Variants in RGS6 observed in about 807,000 individuals in gnomAD.
RGS6 encodes regulator of G-protein signaling 6.
RGS6 carries 30 observed loss-of-function variants against 78.5 expected under a neutral mutation model. That is an observed-to-expected ratio of 0.38 (90% CI 0.29 to 0.52). RGS6 has a LOEUF of 0.52. RGS6 is among the 20% of genes least tolerant of loss of function. The pLI is 0.85. For missense variants in RGS6, 495 were observed against 609.7 expected (o/e 0.81, Z 1.98); for synonymous variants, 206 against 206.0 (o/e 1.00, Z 0.00).
Position 72,510,255 on chromosome 14 carries a change from C to T in RGS6, c.1067C>T (p.Ser356Phe). The T allele has an allele frequency of 6.2e-7, 1 of 1,614,144 alleles. No homozygotes were observed. The highest frequency in any genetic ancestry group is 8.5e-7 in the Non-Finnish European group (1 of 1,180,008). ...GRDQFLRFLE[S>F]EFSSENLRFW... ...GACCAGTTTCTACGATTCCTGGAGTCCGAATTCAGTTCAGAAAACCTCAGG... is the reference window on the plus strand; with the variant it reads ...GACCAGTTTCTACGATTCCTGGAGTTCGAATTCAGTTCAGAAAACCTCAGG... Residue 356 changes from serine (S) to phenylalanine (F), a missense_variant, in exon 14 of 18, where the codon TCC becomes TTC. Transcript: ENST00000553525.
intron 2 of RGS6, among the ~76,000 whole-genome samples, chr14:72,265,868 A>G (rs539887334): frequency 2.2e-4 from 32 of 145,454 alleles, no homozygotes; most frequent in Non-Finnish European, 3.9e-4. Flanking sequence ...TCCTTTTTCT[A>G]TACCTTTCCC....
chr14:72,424,392 G>T (rs561636631), intron 3 of RGS6, among the ~76,000 whole-genome samples: 1 of 152,240 alleles, frequency 6.6e-6, no homozygotes, highest in Admixed American at 6.5e-5. Context: ...TTAGTTCAGG[G>T]GTCAGCAAAC....
chr14:72,152,048 T>C (rs2096697953), intron 2 of RGS6, among the ~76,000 whole-genome samples: 1 of 152,182 alleles, frequency 6.6e-6, no homozygotes, highest in South Asian at 2.1e-4. Context: ...GGGGATAATA[T>C]GCTTATTTGA....
At chr14:71,948,643 G>A (rs2091887628) in intron 1 of RGS6, among the ~76,000 whole-genome samples, 2 of 150,020 alleles carry the variant, frequency 1.3e-5, no homozygotes, top group South Asian at 4.2e-4. Context: ...GAATATTACC[G>A]TTCTTCCAGA....
intron 2 of RGS6, among the ~76,000 whole-genome samples, chr14:72,050,268 C>T (rs1184735711): frequency 6.6e-6 from 1 of 152,170 alleles, no homozygotes; most frequent in Non-Finnish European, 1.5e-5. Context: ...TTTAGTTTCA[C>T]CATCTGGAAC....
intron 2 of RGS6, among the ~76,000 whole-genome samples, chr14:72,004,679 G>A (rs1338823735): frequency 6.6e-6 from 1 of 151,952 alleles, no homozygotes; most frequent in African/African-American, 2.4e-5. Context: ...ACAAAAATTA[G>A]CCAGGCATGG....
chr14:72,207,457 T>C (rs1321679462), intron 2 of RGS6, among the ~76,000 whole-genome samples: 1 of 152,182 alleles, frequency 6.6e-6, no homozygotes, highest in Non-Finnish European at 1.5e-5. Flanking sequence ...ACATCTAGAT[T>C]GTCCACCCTT....
At chr14:72,217,917 A>G (rs2045962841) in intron 2 of RGS6, among the ~76,000 whole-genome samples, 1 of 152,244 alleles carries the variant, frequency 6.6e-6, no homozygotes, top group Non-Finnish European at 1.5e-5. Context: ...ACATATACAT[A>G]CAAACACCCA....
intron 2 of RGS6, among the ~76,000 whole-genome samples, chr14:72,319,378 C>G (rs2071236020): frequency 6.8e-6 from 1 of 147,506 alleles, no homozygotes. Flanking sequence ...GAGACGGAGT[C>G]TCGCCCTGTT....
At chr14:72,540,892 G>A (rs892501973) in intron 17 of RGS6, 4 of 985,420 alleles carry the variant, frequency 4.1e-6, no homozygotes, top group Non-Finnish European at 4.8e-6. Flanking sequence ...AAAGACAGCC[G>A]TGGCAACAGG....
chr14:72,465,561 G>C (rs1334815870), intron 6 of RGS6, among the ~76,000 whole-genome samples, 197 bp from the exon 7 acceptor site: 3 of 140,758 alleles, frequency 2.1e-5, no homozygotes, highest in Non-Finnish European at 4.5e-5. Flanking sequence ...TGGATGGATG[G>C]ATGGATGGAT....
rs371804322 is a variant in RGS6 at position 72,360,745 on chromosome 14, T to C, written c.184+8551T>C. 1.1e-4 allele frequency among the ~76,000 whole-genome samples: 17 copies of C among 152,260 alleles called. No homozygotes were observed. In the South Asian group the frequency reaches 3.5e-3, roughly 32 times the overall value. ...GTCAACTAGGAAAGTAGAGATTGACTGGACTAGGGAAATAGAACTTTGATT... is the reference window on the plus strand; with the variant it reads ...GTCAACTAGGAAAGTAGAGATTGACCGGACTAGGGAAATAGAACTTTGATT... On this transcript the variant is annotated intron_variant, in intron 3 of 17. Transcript: ENST00000553525.
intron 2 of RGS6, among the ~76,000 whole-genome samples, chr14:72,255,624 T>C (rs758069289): frequency 3.9e-5 from 6 of 152,198 alleles, no homozygotes; most frequent in Non-Finnish European, 4.4e-5. Context: ...GCTTAAAATG[T>C]GGCACAAATT....
At chr14:72,296,958 A>G (rs1000430254) in intron 2 of RGS6, among the ~76,000 whole-genome samples, 8 of 152,212 alleles carry the variant, frequency 5.3e-5, no homozygotes, top group Non-Finnish European at 1.0e-4. Context: ...TATATACAAT[A>G]TGTGGTAAGA....
At chr14:72,084,614 A>G (rs971859026) in intron 2 of RGS6, among the ~76,000 whole-genome samples, 10 of 152,160 alleles carry the variant, frequency 6.6e-5, no homozygotes, top group African/African-American at 2.4e-4. Context: ...AGGAGAACTC[A>G]TGACTTTGGT....
At chr14:72,206,633 G>A (rs1034283112) in intron 2 of RGS6, among the ~76,000 whole-genome samples, 3 of 152,138 alleles carry the variant, frequency 2.0e-5, no homozygotes, top group Non-Finnish European at 4.4e-5. Flanking sequence ...TTCTTACATG[G>A]ATGGCAGCAG....
In RGS6 at chr14:72,489,077, C is replaced by A. The variant is rs531430937; in HGVS notation, c.855-6075C>A. Among the ~76,000 whole-genome samples the A allele has an allele frequency of 2.7e-5, 4 of 149,956 alleles. No individual in the cohort carries two copies. In the East Asian group the frequency reaches 7.9e-4, roughly 30 times the overall value. ...TTGCCTTGAGCTGCCAAGTGGATGTCTTTTATTTGAGATTCAAAGCTAACT... is the reference window on the plus strand; with the variant it reads ...TTGCCTTGAGCTGCCAAGTGGATGTATTTTATTTGAGATTCAAAGCTAACT... On this transcript the variant is annotated intron_variant, in intron 12 of 17. Transcript: ENST00000553525.
At chr14:72,406,846 C>T (rs1449575382) in intron 3 of RGS6, among the ~76,000 whole-genome samples, 1 of 152,148 alleles carries the variant, frequency 6.6e-6, no homozygotes, top group Non-Finnish European at 1.5e-5. Flanking sequence ...AAGCCGTATT[C>T]AGTAAGGAGA....
chr14:72,076,899 C>T (rs2094593319), intron 2 of RGS6, among the ~76,000 whole-genome samples: 1 of 150,542 alleles, frequency 6.6e-6, no homozygotes, highest in Admixed American at 6.6e-5. Flanking sequence ...ATTTTATATG[C>T]ATATATCCAA....
Sources: allele counts gnomAD v4.1 joint callset (sites outside exome capture counted in the v4.1 genomes callset), GRCh38; gene constraint gnomAD v4.1.1; transcripts MANE v1.5; gene names NCBI Gene and HGNC (gene_info 2026-07-23, HGNC 2026-07-21).